SLIT2: variants seen among roughly 807,000 people sequenced by gnomAD.
The protein encoded by SLIT2 is slit guidance ligand 2.
Under a neutral mutation model 185.7 loss-of-function variants are expected in SLIT2, and 41 were observed. The observed-to-expected ratio is 0.22, with a 90% CI of 0.17 to 0.29. The LOEUF (loss-of-function observed/expected upper bound fraction) is 0.29. SLIT2 is among the 10% of genes least tolerant of loss of function. SLIT2 has a pLI of 1.00. For missense variants in SLIT2, 1,571 were observed against 1,909.0 expected, an observed-to-expected ratio of 0.82 and a Z score of 3.30; for synonymous variants, 693 against 680.2, an observed-to-expected ratio of 1.02 and a Z score of -0.29.
chr4:20,529,006 C>T lies in SLIT2; in HGVS notation c.1520C>T (p.Pro507Leu). The T allele has an allele frequency of 6.2e-7, 1 of 1,613,878 alleles. No individual in the cohort carries two copies. The highest frequency in any genetic ancestry group is 2.2e-5 in the East Asian group (1 of 44,868). ...GACTGCTTTGCGGATCTGGCTTGCC[C>T]TGAAAAGTGTCGCTGTGAAGGAACC... The part of the protein sequence containing the change: ...SGDCFADLAC[P>L]EKCRCEGTTV... The change falls in exon 16 of 37, where the codon CCT (proline) becomes CTT (leucine). Residue 507 changes from proline (P) to leucine (L), a missense_variant. Coordinates refer to ENST00000504154, the MANE Select transcript of SLIT2 (RefSeq NM_004787.4).
At chr4:20,468,280 A>C (rs1404260791) in intron 5 of SLIT2, among the ~76,000 whole-genome samples, 1 of 152,100 alleles carries the variant, frequency 6.6e-6, no homozygotes, top group East Asian at 1.9e-4. Context: ...TGGAAATAGT[A>C]GATAATATTT....
chr4:20,370,034 T>C (rs1723445233), intron 4 of SLIT2, among the ~76,000 whole-genome samples: 1 of 152,128 alleles, frequency 6.6e-6, no homozygotes, highest in South Asian at 2.1e-4. Flanking sequence ...AGTGAAAATA[T>C]TTGGTCTCTA....
At chr4:20,338,394 G>A (rs563125658) in intron 4 of SLIT2, among the ~76,000 whole-genome samples, 6 of 152,282 alleles carry the variant, frequency 3.9e-5, no homozygotes, top group South Asian at 4.1e-4. Flanking sequence ...GAGACAATCT[G>A]TCCCTAAAAG....
chr4:20,549,078 G>A lies in SLIT2; in HGVS notation c.2439G>A (p.Leu813=), dbSNP rs1262046551. ...LLTLILSYNR[L]RCIPPRTFDG... ...TCAGAATTCTTAGTTACAACCGTCT[G>A]AGATGTATTCCTCCTCGCACCTTTG... The change falls in exon 24 of 37, where the codon CTG becomes CTA. Residue 813 remains leucine (L), a synonymous_variant. Transcript: ENST00000504154. The A allele has an allele frequency of 5.0e-6, 8 of 1,601,138 alleles. No homozygotes were observed. Among genetic ancestry groups the A allele is most frequent in the Non-Finnish European group, 6.8e-6 (8 of 1,168,772 alleles).
At chr4:20,552,023 T>G (rs986888362) in intron 25 of SLIT2, among the ~76,000 whole-genome samples, 14 of 152,154 alleles carry the variant, frequency 9.2e-5, no homozygotes, top group African/African-American at 3.4e-4. Context: ...ACTAAACTAC[T>G]AGGTCCAGGA....
At chr4:20,323,542 T>C (rs576058016) in intron 4 of SLIT2, among the ~76,000 whole-genome samples, 45 of 152,296 alleles carry the variant, frequency 3.0e-4, no homozygotes, top group Non-Finnish European at 4.6e-4. Flanking sequence ...CTTTTTTTTT[T>C]CCCCTGAGAT....
chr4:20,285,343 G>A (rs1417414029), intron 4 of SLIT2, among the ~76,000 whole-genome samples: 1 of 152,172 alleles, frequency 6.6e-6, no homozygotes, highest in Non-Finnish European at 1.5e-5. Flanking sequence ...ACCAAAGCTT[G>A]CATCCAGGAA....
intron 4 of SLIT2, among the ~76,000 whole-genome samples, chr4:20,380,428 C>T (rs572131592): frequency 2.6e-5 from 4 of 152,000 alleles, no homozygotes; most frequent in African/African-American, 7.2e-5. Flanking sequence ...GGAAATAAGA[C>T]CCATAAACAG....
intron 4 of SLIT2, among the ~76,000 whole-genome samples, chr4:20,390,987 C>T (rs1267989057): frequency 6.6e-6 from 1 of 151,700 alleles, no homozygotes; most frequent in Non-Finnish European, 1.5e-5. Context: ...TAATTTTTTC[C>T]AGAATTTTAA....
intron 29 of SLIT2, among the ~76,000 whole-genome samples, chr4:20,587,031 C>CT (rs386399451): frequency 0.049 from 7,059 of 144,876 alleles, 480 homozygotes; most frequent in African/African-American, 0.15. Flanking sequence ...AAAATCAAAT[C>CT]TTTTTTTTTT....
chr4:20,533,787 A>G (rs1722013604), intron 18 of SLIT2, 72 bp downstream of exon 18: 1 of 1,403,490 alleles, frequency 7.1e-7, no homozygotes, highest in Non-Finnish European at 9.8e-7. Flanking sequence ...TAATCCTGGG[A>G]GAGAGAAACA....
intron 4 of SLIT2, among the ~76,000 whole-genome samples, chr4:20,297,828 C>T (rs1319183652): frequency 1.3e-5 from 2 of 152,094 alleles, no homozygotes; most frequent in Non-Finnish European, 2.9e-5. Context: ...TTATCTGTAA[C>T]GGATACCCTG....
chr4:20,253,641 C>T lies in SLIT2; in HGVS notation c.-175C>T, dbSNP rs182432727. ...GGAGGGTGGAGAGGGCGGTGGGAGGCGTGTGCCTGAGTGGGCTCTACTGCC... is the reference window on the plus strand; with the variant it reads ...GGAGGGTGGAGAGGGCGGTGGGAGGTGTGTGCCTGAGTGGGCTCTACTGCC... On this transcript the variant is annotated 5_prime_UTR_variant, in exon 1 of 37. Coordinates refer to ENST00000504154, the MANE Select transcript of SLIT2 (RefSeq NM_004787.4). The T allele has an allele frequency of 8.9e-6, 6 of 677,920 alleles. No individual in the cohort carries two copies. The African/African-American group carries it at 9.0e-5, about 10-fold the overall frequency. The allele number at this position is 677,920 out of a possible 1,614,324, so 42.0% of individuals were successfully genotyped here.
In SLIT2 at chr4:20,518,255, A is replaced by ATATT. The variant is rs1553916513; in HGVS notation, c.1059-1126_1059-1125insATTT. ...TGTGTGTGTGTATATATATATATATATTTTTTTTTTTTTTTGAGACAGAGT... is the reference window on the plus strand; with the variant it reads ...TGTGTGTGTGTATATATATATATATATATTTTTTTTTTTTTTTTTGAGACAGAGT... On this transcript the variant is annotated intron_variant, in intron 11 of 36. Coordinates refer to ENST00000504154, the MANE Select transcript of SLIT2 (RefSeq NM_004787.4). 2.4e-4 allele frequency among the ~76,000 whole-genome samples: 21 copies of ATATT among 87,486 alleles called. 1 individual carries two copies. The highest frequency in any genetic ancestry group is 5.6e-4 in the African/African-American group (14 of 24,802). The allele number at this position is 87,486 out of a possible 152,430, so 57.4% of individuals were successfully genotyped here.
chr4:20,280,102 G>A (rs1014379919), intron 4 of SLIT2, among the ~76,000 whole-genome samples: 1 of 152,066 alleles, frequency 6.6e-6, no homozygotes, highest in Non-Finnish European at 1.5e-5. Flanking sequence ...GGGAGGCGGA[G>A]GTGGGCGGAT....
intron 4 of SLIT2, among the ~76,000 whole-genome samples, chr4:20,465,811 A>T (rs1410706972): frequency 6.6e-6 from 1 of 152,132 alleles, no homozygotes; most frequent in Non-Finnish European, 1.5e-5. Flanking sequence ...CTCTAAGACA[A>T]AACTGTGCCT....
chr4:20,563,578 A>G (rs1469827896), intron 26 of SLIT2, among the ~76,000 whole-genome samples: 1 of 151,628 alleles, frequency 6.6e-6, no homozygotes, highest in African/African-American at 2.4e-5. Flanking sequence ...GCCCACTTCT[A>G]TTTCCCATGG....
chr4:20,327,514 G>A (rs1347347089), intron 4 of SLIT2, among the ~76,000 whole-genome samples: 1 of 151,946 alleles, frequency 6.6e-6, no homozygotes, highest in Admixed American at 6.6e-5. Flanking sequence ...ATGACATAGA[G>A]TAATTGTTTT....
chr4:20,618,907 G>T lies in SLIT2; in HGVS notation c.4488G>T (p.Arg1496Ser), dbSNP rs761324430. Reference sequence around the variant, plus strand: ...GAGGGCAGTGCTGTGGACCGCTGAGGAGCAAGCGGCGGAAATACTCTTTCG... The same window carrying T: ...GAGGGCAGTGCTGTGGACCGCTGAGTAGCAAGCGGCGGAAATACTCTTTCG... Reference protein sequence around the residue: ...CAGGQCCGPLRSKRRKYSFEC... With the variant: ...CAGGQCCGPLSSKRRKYSFEC... The change falls in exon 37 of 37, where the codon AGG becomes AGT. Residue 1496 changes from arginine (R) to serine (S), a missense_variant. Around this residue, in one of 3 missense-constraint regions of SLIT2, gnomAD observed 223 missense variants for 245.2 expected, o/e 0.91. Transcript: ENST00000504154. The T allele has an allele frequency of 8.1e-6, 13 of 1,614,008 alleles. No individual in the cohort carries two copies. In the East Asian group the frequency reaches 2.9e-4, roughly 36 times the overall value.
Sources: gnomAD v4.1 joint callset for allele counts (sites outside exome capture counted in the v4.1 genomes callset) on GRCh38, gnomAD v4.1.1 for gene constraint, gnomAD v4.1.1 regional missense constraint, MANE v1.5 for transcripts, NCBI Gene and HGNC (gene_info 2026-07-23, HGNC 2026-07-21) for gene names.